Variants in GRIK1 observed in about 807,000 individuals in gnomAD.
The protein encoded by GRIK1 is glutamate receptor ionotropic, kainate 1.
GRIK1 carries 69 observed loss-of-function variants against 105.7 expected under a neutral mutation model. That is an observed-to-expected ratio of 0.65 (90% CI 0.54 to 0.80). The LOEUF is 0.80. Among genes scored for constraint, GRIK1 ranks in the 30% least tolerant of loss-of-function variants. The probability of loss-of-function intolerance (pLI) is 0.00; values close to 1 mark genes in which losing one functional copy is unlikely to be tolerated. For missense variants in GRIK1, 1,109 were observed against 1,167.3 expected, an observed-to-expected ratio of 0.95 and a Z score of 0.73; for synonymous variants, 438 against 431.3, an observed-to-expected ratio of 1.02 and a Z score of -0.19.
intron 3 of GRIK1, among the ~76,000 whole-genome samples, chr21:29,676,797 G>A (rs1485458177): frequency 6.6e-6 from 1 of 152,120 alleles, no homozygotes; most frequent in Non-Finnish European, 1.5e-5. Context: ...AAATGTCAAT[G>A]TCATATATGG....
At chr21:29,829,025 A>G (rs147759560) in intron 1 of GRIK1, among the ~76,000 whole-genome samples, 1 of 152,196 alleles carries the variant, frequency 6.6e-6, no homozygotes, top group African/African-American at 2.4e-5. Context: ...GTCTACTGCC[A>G]TGAAGTCAAC....
chr21:29,868,230 A>G (rs911013580), intron 1 of GRIK1, among the ~76,000 whole-genome samples: 4 of 152,200 alleles, frequency 2.6e-5, no homozygotes, highest in African/African-American at 9.7e-5. Flanking sequence ...GTTTTCCTTT[A>G]AGGTGATTTC....
chr21:29,877,161 C>T (rs2069220785), intron 1 of GRIK1, among the ~76,000 whole-genome samples: 1 of 152,072 alleles, frequency 6.6e-6, no homozygotes, highest in South Asian at 2.1e-4. Flanking sequence ...GCAGTATTGT[C>T]TTTCTCCTCT....
At chr21:29,744,260 A>G (rs966406572) in intron 1 of GRIK1, among the ~76,000 whole-genome samples, 1 of 152,190 alleles carries the variant, frequency 6.6e-6, no homozygotes, top group African/African-American at 2.4e-5. Context: ...GCATCCCTGG[A>G]AACTTAGAAA....
chr21:29,704,621 C>T (rs1185086216), intron 1 of GRIK1, among the ~76,000 whole-genome samples: 1 of 152,146 alleles, frequency 6.6e-6, no homozygotes, highest in African/African-American at 2.4e-5. Context: ...CTATGCCTCA[C>T]AAAGTAGTTT....
chr21:29,795,028 A>ATTTT (rs66697777), intron 1 of GRIK1, among the ~76,000 whole-genome samples: 17 of 85,220 alleles, frequency 2.0e-4, no homozygotes, highest in African/African-American at 8.4e-4. Flanking sequence ...TTTGCTCTAA[A>ATTTT]TTTTTTTTTT....
intron 1 of GRIK1, among the ~76,000 whole-genome samples, chr21:29,785,434 T>C (rs1020826754): frequency 6.6e-6 from 1 of 151,844 alleles, no homozygotes; most frequent in Non-Finnish European, 1.5e-5. Context: ...CATGGTGGTG[T>C]GAGCCTGTAA....
chr21:29,745,317 A>G (rs2065024705), intron 1 of GRIK1, among the ~76,000 whole-genome samples: 1 of 152,192 alleles, frequency 6.6e-6, no homozygotes, highest in Admixed American at 6.5e-5. Context: ...GAAACTGCAG[A>G]TGAGACTTTA....
chr21:29,768,199 G>A (rs1317782132), intron 1 of GRIK1, among the ~76,000 whole-genome samples: 1 of 152,168 alleles, frequency 6.6e-6, no homozygotes, highest in Admixed American at 6.5e-5. Context: ...TGAGTGCTAA[G>A]AGACTTGGGT....
At chr21:29,928,220 C>T (rs533684964) in intron 1 of GRIK1, among the ~76,000 whole-genome samples, 79 of 152,240 alleles carry the variant, frequency 5.2e-4, no homozygotes, top group Non-Finnish European at 9.3e-4. Flanking sequence ...GTTGCAAAGC[C>T]GAAAACTGAA....
At chr21:29,809,127 T>G (rs2066941213) in intron 1 of GRIK1, among the ~76,000 whole-genome samples, 1 of 152,160 alleles carries the variant, frequency 6.6e-6, no homozygotes, top group South Asian at 2.1e-4. Context: ...GAAGAAGCAA[T>G]TATAATGAAA....
At chr21:29,814,679 C>A (rs378494) in intron 1 of GRIK1, among the ~76,000 whole-genome samples, 122,390 of 152,034 alleles carry the variant, frequency 0.81, 50,049 homozygotes, top group Non-Finnish European at 0.88. Context: ...ACTTGGGAGG[C>A]AAAGAGAGAA....
At chr21:29,564,179 GCT>G (rs1396463949) in intron 14 of GRIK1, among the ~76,000 whole-genome samples, 8 of 151,600 alleles carry the variant, frequency 5.3e-5, no homozygotes, top group Admixed American at 3.9e-4. Context: ...ACGGAGTCTC[GCT>G]CTGTCGCCCA....
intron 1 of GRIK1, among the ~76,000 whole-genome samples, chr21:29,759,204 A>G (rs2065441002): frequency 6.8e-6 from 1 of 147,368 alleles, no homozygotes; most frequent in African/African-American, 2.5e-5. Context: ...TGTAAGCTCC[A>G]CCTCCCAGGT....
rs571470801 is a variant in GRIK1, at chr21:29,882,457, T to C, written c.118+56926A>G. 2.0e-5 allele frequency among the ~76,000 whole-genome samples: 3 copies of C among 152,200 alleles called. No homozygotes were observed. The South Asian group carries it at 6.2e-4, about 32-fold the overall frequency. ...AGAAATACTCCACGATTGAGAAGAA[T>C]GTGGGAAGAAAGGAGGGCTGGTGGG... On this transcript the variant is annotated intron_variant, in intron 1 of 17. Coordinates refer to ENST00000327783, the MANE Select transcript of GRIK1 (RefSeq NM_001330994.2).
chr21:29,886,575 A>G (rs796917345), intron 1 of GRIK1, among the ~76,000 whole-genome samples: 31 of 152,228 alleles, frequency 2.0e-4, no homozygotes, highest in African/African-American at 7.0e-4. Context: ...GGGAATTACA[A>G]CTTCGTACTT....
intron 2 of GRIK1, among the ~76,000 whole-genome samples, chr21:29,691,937 G>A: frequency 6.6e-6 from 1 of 152,276 alleles, no homozygotes; most frequent in Non-Finnish European, 1.5e-5. Flanking sequence ...TGTGCTGGAA[G>A]TGTAAACTGT....
At chr21:29,816,087 C>T (rs1159320499) in intron 1 of GRIK1, among the ~76,000 whole-genome samples, 1 of 152,026 alleles carries the variant, frequency 6.6e-6, no homozygotes, top group Non-Finnish European at 1.5e-5. Context: ...AGGAAGATGA[C>T]TCAACACCAA....
chr21:29,789,976 A>G lies in GRIK1; in HGVS notation c.119-95913T>C, dbSNP rs527616306. ...CAAATCTTTGTGAAGCTCATGAATA[A>G]ATGAAGGTTGCTAGAGGGAAAGTTA... On this transcript the variant is annotated intron_variant, in intron 1 of 17. Coordinates refer to ENST00000327783, the MANE Select transcript of GRIK1 (RefSeq NM_001330994.2). 2.0e-5 allele frequency among the ~76,000 whole-genome samples: 3 copies of G among 152,374 alleles called. No homozygotes were observed. The South Asian group carries it at 6.2e-4, about 32-fold the overall frequency.
Sources: gnomAD v4.1 joint callset for allele counts (sites outside exome capture counted in the v4.1 genomes callset) on GRCh38, gnomAD v4.1.1 for gene constraint, MANE v1.5 for transcripts, NCBI Gene and HGNC (gene_info 2026-07-23, HGNC 2026-07-21) for gene names.